DISP3: variants seen among roughly 807,000 people sequenced by gnomAD.
The protein encoded by DISP3 is protein dispatched homolog 3.
In DISP3, 101 loss-of-function variants were observed where a neutral mutation model predicts 135.3. The ratio of observed to expected loss-of-function variants is 0.75; its 90% confidence interval spans 0.64 to 0.88. The LOEUF (loss-of-function observed/expected upper bound fraction) is 0.88. Ranked by LOEUF, DISP3 falls within the 40% of genes least tolerant of loss-of-function variation. The probability of loss-of-function intolerance (pLI) is 0.00; values close to 1 mark genes in which losing one functional copy is unlikely to be tolerated. For synonymous variants in DISP3, 856 were observed against 817.0 expected (o/e 1.05, Z -0.81); for missense variants, 1,713 against 1,878.6 (o/e 0.91, Z 1.63).
chr1:11,534,892 T>TA (rs1557624601), intron 18 of DISP3, 119 bp from the exon 19 acceptor site: 1 of 955,116 alleles, frequency 1.0e-6, no homozygotes. Flanking sequence ...GGTCCTGTTA[T>TA]GACCCCATTT....
chr1:11,516,045 ACC>A lies in DISP3; in HGVS notation c.1635_1636del (p.His546ProfsTer33). 1 of 1,614,016 alleles carries A rather than the reference ACC, an allele frequency of 6.2e-7. No individual in the cohort carries two copies. Among genetic ancestry groups the A allele is most frequent in the Admixed American group, 1.7e-5 (1 of 59,996 alleles). ...FVFINTYRQA[T>X]HLEDPQLRMI... is the part of the protein sequence containing the mutation. ...GTTCATCAACACCTACCGCCAGGCCACCCACCTGGAAGACCCACAGCTGCGCA... is the reference window on the plus strand; with the variant it reads ...GTTCATCAACACCTACCGCCAGGCCACACCTGGAAGACCCACAGCTGCGCA... On this transcript the variant is annotated frameshift_variant, in exon 6 of 21. Coordinates refer to ENST00000294484, the MANE Select transcript of DISP3 (RefSeq NM_020780.2). LOFTEE classifies it high-confidence loss of function. The surrounding 1 kb of genome is among the most constrained non-coding windows in gnomAD (Gnocchi z 5.1).
intron 20 of DISP3, 70 bp downstream of exon 20, chr1:11,535,714 G>A: frequency 6.5e-7 from 1 of 1,536,238 alleles, no homozygotes; most frequent in South Asian, 1.2e-5. Flanking sequence ...GCAGCTGAGG[G>A]ACCCTCAAGG....
intron 6 of DISP3, 60 bp from the exon 7 acceptor site, chr1:11,517,403 C>G: frequency 1.3e-6 from 2 of 1,595,376 alleles, no homozygotes; most frequent in Non-Finnish European, 1.7e-6. Context: ...AGGGGGCACC[C>G]AGGCCCCCTG....
intron 1 of DISP3, among the ~76,000 whole-genome samples, chr1:11,497,853 A>G (rs1315514869): frequency 6.6e-6 from 1 of 152,164 alleles, no homozygotes; most frequent in East Asian, 1.9e-4. Flanking sequence ...TCCAGGGGAA[A>G]GTTCTATTGA....
chr1:11,522,849 G>GCCCAGCCAGGA (rs796464954), intron 10 of DISP3, among the ~76,000 whole-genome samples: 3 of 17,988 alleles, frequency 1.7e-4, no homozygotes, highest in South Asian at 2.8e-3. Flanking sequence ...CCCAGCCAGA[G>GCCCAGCCAGGA]CCCAGCCAGG....
chr1:11,525,619 C>A (rs1414116723), intron 12 of DISP3, among the ~76,000 whole-genome samples: 15 of 152,222 alleles, frequency 9.9e-5, no homozygotes, highest in Admixed American at 9.8e-4. Context: ...GCAACAAGCA[C>A]CAGCCAGCAT....
chr1:11,524,954 C>T (rs1284295708), intron 11 of DISP3, among the ~76,000 whole-genome samples: 1 of 148,922 alleles, frequency 6.7e-6, no homozygotes, highest in African/African-American at 2.5e-5. Flanking sequence ...CCCTCACCAC[C>T]TCCCCCACCA....
In DISP3 at chr1:11,531,654, G is replaced by A. The variant is rs1260662737; in HGVS notation, c.3319G>A (p.Gly1107Arg). ...CCTGCTCCCGGGGCAGCTGTCCCAC[G>A]GGGCAGTGGGCGTCAGGGAGGGCCG... ...PNLLPGQLSH[G>R]AVGVREGRVQ... Residue 1107 changes from glycine to arginine, a missense_variant, in exon 17 of 21, where the codon GGG (glycine) becomes AGG (arginine). Gly to Arg is a moderately radical substitution (Grantham distance 125, BLOSUM62 -2). This residue lies in a region of DISP3 where 1,142 missense variants were observed against 1,384.6 expected (regional missense o/e 0.82). Transcript: ENST00000294484. The surrounding 1 kb of genome is among the most constrained non-coding windows in gnomAD (Gnocchi z 5.2). 8 of 1,612,958 alleles carry A rather than the reference G, an allele frequency of 5.0e-6. No individual in the cohort carries two copies. The highest frequency in any genetic ancestry group is 2.7e-5 in the African/African-American group (2 of 74,920).
chr1:11,495,317 G>A (rs1017980667), intron 1 of DISP3, among the ~76,000 whole-genome samples: 9 of 152,192 alleles, frequency 5.9e-5, no homozygotes, highest in Non-Finnish European at 1.0e-4. Context: ...CTTGAACCCG[G>A]GAGGTGGAGG....
intron 3 of DISP3, among the ~76,000 whole-genome samples, chr1:11,512,715 T>C (rs979996931): frequency 6.6e-6 from 1 of 152,216 alleles, no homozygotes; most frequent in African/African-American, 2.4e-5. Flanking sequence ...TTCAGGTATC[T>C]TTTCAGCAGA....
Position 11,480,641 on chromosome 1 carries a change from CAAGCACA to C in DISP3, c.-4+1270_-4+1276del, listed in dbSNP as rs1431093257. Among the ~76,000 whole-genome samples, 4 of 151,304 alleles carry C rather than the reference CAAGCACA, an allele frequency of 2.6e-5. No homozygotes were observed. The East Asian group carries it at 5.9e-4, about 22-fold the overall frequency. Reference sequence around the variant, plus strand: ...TGACTCACAAAGCCACTCAGACTCCCAAGCACAGACACACTTCCACCCCCAGCGCGCG... The same window carrying C: ...TGACTCACAAAGCCACTCAGACTCCCGACACACTTCCACCCCCAGCGCGCG... On this transcript the variant is annotated intron_variant, in intron 1 of 20. Transcript: ENST00000294484.
chr1:11,494,099 G>T (rs1641263903), intron 1 of DISP3, among the ~76,000 whole-genome samples: 2 of 152,214 alleles, frequency 1.3e-5, no homozygotes, highest in Admixed American at 1.3e-4. Context: ...CAATAGACCT[G>T]GGGTTCAAAC....
At chr1:11,490,760 T>TG (rs1200184068) in intron 1 of DISP3, among the ~76,000 whole-genome samples, 1 of 152,084 alleles carries the variant, frequency 6.6e-6, no homozygotes, top group East Asian at 1.9e-4. Context: ...GCTAAAAGGA[T>TG]GGGCTCTGAC....
At chr1:11,518,165 G>A (rs1369218172) in intron 7 of DISP3, among the ~76,000 whole-genome samples, 1 of 152,176 alleles carries the variant, frequency 6.6e-6, no homozygotes, top group Non-Finnish European at 1.5e-5. Context: ...TCAGGCCTGG[G>A]TGGCTGCCTG....
chr1:11,531,073 T>G lies in DISP3; in HGVS notation c.3229+40T>G, dbSNP rs748644049. ...GGGAGCTGGTTCCTCCGAGGGAGGA[T>G]GGACTGACTGGGGAGGCACAGAGGC... On this transcript the variant is annotated intron_variant, in intron 16 of 20. Transcript: ENST00000294484. This position sits in a 1 kb window ranked among gnomAD's most constrained non-coding sequence, Gnocchi z 5.2. The G allele has an allele frequency of 4.0e-5, 64 of 1,608,464 alleles. No homozygotes were observed. Among genetic ancestry groups the G allele is most frequent in the Non-Finnish European group, 5.3e-5 (62 of 1,179,152 alleles).
rs1386858284 is a variant in DISP3 at position 11,487,330 on chromosome 1, G to C, written c.-4+7958G>C. Among the ~76,000 whole-genome samples, 3 of 152,204 alleles carry C rather than the reference G, an allele frequency of 2.0e-5. No homozygotes were observed. In the East Asian group the frequency reaches 5.8e-4, roughly 29 times the overall value. On this transcript the variant is annotated intron_variant, in intron 1 of 20. Transcript: ENST00000294484. ...AGTCATGGATGTCCTCCCTTCCTGA[G>C]GGGACATGGAGAACGGGCAGCTACA...
intron 13 of DISP3, 88 bp downstream of exon 13, chr1:11,526,923 G>T: frequency 4.2e-6 from 6 of 1,431,872 alleles, no homozygotes; most frequent in Non-Finnish European, 5.6e-6. Flanking sequence ...TTCACATGAG[G>T]GATGCCAGCA....
rs1641188248 is a variant in DISP3 at position 11,491,728 on chromosome 1, A to G, written c.-3-9262A>G. Among the ~76,000 whole-genome samples the G allele has an allele frequency of 6.6e-6, 1 of 152,212 alleles. No individual in the cohort carries two copies. The highest frequency in any genetic ancestry group is 2.4e-5 in the African/African-American group (1 of 41,452). On this transcript the variant is annotated intron_variant, in intron 1 of 20. Transcript: ENST00000294484. This position sits in a 1 kb window ranked among gnomAD's most constrained non-coding sequence, Gnocchi z 4.3. Reference sequence around the variant, plus strand: ...ATGCCTAGTGACTCCGATTCACGTAAAAGTCCAAGGATCTTTGGGGCAGAG... The same window carrying G: ...ATGCCTAGTGACTCCGATTCACGTAGAAGTCCAAGGATCTTTGGGGCAGAG...
chr1:11,501,505 C>T lies in DISP3; in HGVS notation c.513C>T (p.Ala171=), dbSNP rs1641517046. 1.9e-6 allele frequency: 3 copies of T among 1,606,256 alleles called. No individual in the cohort carries two copies. Among genetic ancestry groups the T allele is most frequent in the Non-Finnish European group, 2.6e-6 (3 of 1,176,180 alleles). The change falls in exon 2 of 21, where the codon GCC becomes GCT. Residue 171 remains alanine (A), a synonymous_variant. Transcript: ENST00000294484. The surrounding 1 kb of genome is among the most constrained non-coding windows in gnomAD (Gnocchi z 4.9). ...LGNRSRQASR[A]PRVIPAASLG... is the part of the protein sequence containing the mutation. Reference sequence around the variant, plus strand: ...ACCGCTCGCGGCAAGCCTCCCGAGCCCCCCGCGTCATCCCCGCGGCCTCAC... The same window carrying T: ...ACCGCTCGCGGCAAGCCTCCCGAGCTCCCCGCGTCATCCCCGCGGCCTCAC...
Sources: gnomAD v4.1 joint callset for allele counts (sites outside exome capture counted in the v4.1 genomes callset) on GRCh38, gnomAD v4.1.1 for gene constraint, gnomAD v4.1.1 regional missense constraint, Gnocchi (gnomAD v3.1) non-coding constraint, MANE v1.5 for transcripts, NCBI Gene and HGNC (gene_info 2026-07-23, HGNC 2026-07-21) for gene names.